DCK: variants seen among roughly 807,000 people sequenced by gnomAD.
DCK encodes deoxyadenosine kinase.
DCK carries 23 observed loss-of-function variants against 38.3 expected under a neutral mutation model. That is an observed-to-expected ratio of 0.60 (90% CI 0.43 to 0.85). DCK has a LOEUF of 0.85. Among genes scored for constraint, DCK ranks in the 40% least tolerant of loss-of-function variants. The pLI, the probability that DCK is intolerant of heterozygous loss-of-function variation, is 0.00. For missense variants in DCK, 259 were observed against 304.4 expected (o/e 0.85, Z 1.11); for synonymous variants, 108 against 100.6 (o/e 1.07, Z -0.44).
Position 70,998,129 on chromosome 4 carries a change from C to T in DCK, c.154C>T (p.Pro52Ser), listed in dbSNP as rs775124185. 6.2e-7 allele frequency: 1 copy of T among 1,609,178 alleles called. No homozygotes were observed. The highest frequency in any genetic ancestry group is 8.5e-7 in the Non-Finnish European group (1 of 1,176,910). ...ATTGTGTGAAGATTGGGAAGTGGTT[C>T]CTGAACCTGTTGCCAGATGGTGCAA... ...KQLCEDWEVV[P>S]EPVARWCNVQ... Residue 52 changes from proline (P) to serine (S), a missense_variant, in exon 2 of 7, where the codon CCT becomes TCT. Pro to Ser is a moderately conservative substitution (Grantham distance 74). Transcript: ENST00000286648.
chr4:71,022,410 T>C lies in DCK; in HGVS notation c.251T>C (p.Met84Thr), dbSNP rs1308304083. ...AAAAATGGTGGGAATGTTCTTCAGA[T>C]GATGTATGAGAAACCTGAACGATGG... ...SQKNGGNVLQMMYEKPERWSF... is the reference protein window; with the variant it reads ...SQKNGGNVLQTMYEKPERWSF... Residue 84 changes from methionine to threonine, a missense_variant, in exon 3 of 7, where the codon ATG becomes ACG. By Grantham distance (81) the Met-to-Thr change is moderately conservative (BLOSUM62 -1). Transcript: ENST00000286648. The C allele has an allele frequency of 1.3e-6, 2 of 1,587,402 alleles. No individual in the cohort carries two copies. The highest frequency in any genetic ancestry group is 1.2e-5 in the South Asian group (1 of 85,496).
chr4:71,016,254 C>G (rs1740258303), intron 2 of DCK, among the ~76,000 whole-genome samples: 1 of 152,162 alleles, frequency 6.6e-6, no homozygotes, highest in Non-Finnish European at 1.5e-5. Flanking sequence ...TCAAGGAGAA[C>G]TACAAACCAC....
intron 2 of DCK, among the ~76,000 whole-genome samples, chr4:71,001,416 G>A (rs1368313449): frequency 1.3e-5 from 2 of 151,738 alleles, no homozygotes; most frequent in African/African-American, 2.4e-5. Flanking sequence ...TTTTCGCATC[G>A]ATGTTCATCA....
intron 1 of DCK, 146 bp downstream of exon 1, chr4:70,994,072 C>T (rs1578415785): frequency 3.0e-6 from 2 of 674,952 alleles, no homozygotes; most frequent in Non-Finnish European, 5.3e-6. Context: ...CTTCCTTTCC[C>T]ACCCAGAGCA....
chr4:71,029,076 G>C (rs1006350679), intron 6 of DCK, among the ~76,000 whole-genome samples: 31 of 151,990 alleles, frequency 2.0e-4, no homozygotes, highest in Non-Finnish European at 3.4e-4. Flanking sequence ...GTTTTTAGTA[G>C]AGATGGGGGG....
At chr4:71,000,164 T>C (rs1379337918) in intron 2 of DCK, among the ~76,000 whole-genome samples, 1 of 152,224 alleles carries the variant, frequency 6.6e-6, no homozygotes, top group Non-Finnish European at 1.5e-5. Context: ...GGTCTTATGT[T>C]TAAATCTTTA....
rs1049826986 is a variant in DCK at position 71,023,850 on chromosome 4, G to C, written c.549+144G>C. 8 of 645,508 alleles carry C rather than the reference G, an allele frequency of 1.2e-5. No homozygotes were observed. In the African/African-American group the frequency reaches 1.3e-4, roughly 11 times the overall value. The allele number at this position is 645,508 out of a possible 1,614,324, so 40.0% of individuals were successfully genotyped here. On this transcript the variant is annotated intron_variant, in intron 4 of 6. Transcript: ENST00000286648. The stretch of plus-strand genomic sequence containing the variant: ...ACCTCTAAATTAGAAACTTGTAACT[G>C]TGTAGATAGAAGCATTCTTTTTTCT...
chr4:71,004,370 G>T (rs976506390), intron 2 of DCK, among the ~76,000 whole-genome samples: 17 of 152,310 alleles, frequency 1.1e-4, no homozygotes, highest in South Asian at 8.3e-4. Flanking sequence ...GCTAGCCAGA[G>T]CTCTCTTATA....
At chr4:71,011,402 G>A (rs924667208) in intron 2 of DCK, among the ~76,000 whole-genome samples, 1 of 151,920 alleles carries the variant, frequency 6.6e-6, no homozygotes, top group Non-Finnish European at 1.5e-5. Context: ...TTATTGCCCA[G>A]GCTGGAGTGC....
At chr4:70,995,594 A>G (rs1739643130) in intron 1 of DCK, among the ~76,000 whole-genome samples, 1 of 152,142 alleles carries the variant, frequency 6.6e-6, no homozygotes, top group African/African-American at 2.4e-5. Context: ...CAGAAACAAA[A>G]CAGTAAAGTT....
intron 2 of DCK, among the ~76,000 whole-genome samples, chr4:71,005,030 GA>G (rs1269936149): frequency 2.0e-5 from 3 of 151,866 alleles, no homozygotes; most frequent in Non-Finnish European, 4.4e-5. Context: ...ACTGGGGTAT[GA>G]AAAAAAACTC....
At chr4:71,015,240 T>C (rs1317489275) in intron 2 of DCK, among the ~76,000 whole-genome samples, 1 of 152,192 alleles carries the variant, frequency 6.6e-6, no homozygotes, top group African/African-American at 2.4e-5. Context: ...CAGGAAGAAG[T>C]TGAATCCCTG....
intron 2 of DCK, among the ~76,000 whole-genome samples, chr4:71,001,694 C>T (rs13106279): frequency 0.81 from 122,887 of 152,098 alleles, 54,286 homozygotes; most frequent in Non-Finnish European, 0.97. Flanking sequence ...AACCAGAGTT[C>T]TTCCTGGTTT....
intron 4 of DCK, among the ~76,000 whole-genome samples, chr4:71,024,289 T>G (rs1452015904): frequency 2.6e-5 from 4 of 152,108 alleles, no homozygotes. Context: ...TTAAGGGAGC[T>G]CACTTGAAAA....
chr4:71,016,942 T>C lies in DCK; in HGVS notation c.208-5425T>C, dbSNP rs191082397. ...GCCAACATTGACAAATGGGATCTAA[T>C]TAAACTCAAGAGCTTCTGCACAGCA... On this transcript the variant is annotated intron_variant, in intron 2 of 6. Transcript: ENST00000286648. Among the ~76,000 whole-genome samples the C allele has an allele frequency of 5.1e-4, 77 of 152,316 alleles. 1 individual carries two copies. The highest frequency in any genetic ancestry group is 7.5e-4 in the Non-Finnish European group (51 of 68,022).
intron 6 of DCK, among the ~76,000 whole-genome samples, chr4:71,028,070 G>C (rs1740583575): frequency 6.6e-6 from 1 of 152,146 alleles, no homozygotes; most frequent in African/African-American, 2.4e-5. Context: ...CAGTAGGCTA[G>C]GTTCATTGAC....
At chr4:71,028,927 T>A (rs1740613221) in intron 6 of DCK, among the ~76,000 whole-genome samples, 1 of 152,216 alleles carries the variant, frequency 6.6e-6, no homozygotes, top group African/African-American at 2.4e-5. Flanking sequence ...CCGGCTAATT[T>A]TGTATTTTTA....
At chr4:71,013,249 T>C (rs1331791123) in intron 2 of DCK, among the ~76,000 whole-genome samples, 1 of 152,050 alleles carries the variant, frequency 6.6e-6, no homozygotes, top group African/African-American at 2.4e-5. Context: ...CCAAGAAATA[T>C]GGGACTATGT....
At chr4:71,013,572 G>A (rs548416373) in intron 2 of DCK, among the ~76,000 whole-genome samples, 4 of 152,272 alleles carry the variant, frequency 2.6e-5, no homozygotes, top group Middle Eastern at 3.4e-3. Flanking sequence ...CGGCAGAAAC[G>A]CTACAAGCCA....
Sources: gnomAD v4.1 joint callset for allele counts (sites outside exome capture counted in the v4.1 genomes callset) on GRCh38, gnomAD v4.1.1 for gene constraint, MANE v1.5 for transcripts, NCBI Gene and HGNC (gene_info 2026-07-23, HGNC 2026-07-21) for gene names.